Variants in DLEC1 observed in about 807,000 individuals in gnomAD.
DLEC1 encodes DLEC1 cilia and flagella associated protein.
In DLEC1, 146 loss-of-function variants were observed where a neutral mutation model predicts 198.1. The ratio of observed to expected loss-of-function variants is 0.74; its 90% CI spans 0.64 to 0.85. The LOEUF is 0.85. Ranked by LOEUF, DLEC1 falls within the 40% of genes least tolerant of loss-of-function variation. DLEC1 has a pLI of 0.00. For missense variants in DLEC1, 2,233 were observed against 2,220.0 expected, an observed-to-expected ratio of 1.01 and a Z score of -0.12; for synonymous variants, 897 against 866.8, an observed-to-expected ratio of 1.03 and a Z score of -0.61.
intron 29 of DLEC1, 36 bp from the exon 30 acceptor site, chr3:38,116,939 C>T: frequency 4.3e-6 from 7 of 1,612,640 alleles, no homozygotes; most frequent in Non-Finnish European, 5.9e-6. Context: ...GGCCAGTGGG[C>T]ATGGGACAGT....
In DLEC1 at chr3:38,116,576, C is replaced by T. The variant is rs1700176202; in HGVS notation, c.3980C>T (p.Pro1327Leu). 2.5e-6 allele frequency: 4 copies of T among 1,614,126 alleles called. No individual in the cohort carries two copies. Among genetic ancestry groups the T allele is most frequent in the Non-Finnish European group, 3.4e-6 (4 of 1,179,994 alleles). The change falls in exon 28 of 37, where the codon CCT becomes CTT. Residue 1327 changes from proline to leucine, a missense_variant. Pro to Leu is a moderately conservative substitution (Grantham distance 98). Coordinates refer to ENST00000308059, the MANE Select transcript of DLEC1 (RefSeq NM_007335.4). ...RDQAGNELVC[P>L]DTPEGGCLLW... Reference sequence around the variant, plus strand: ...CAAGCCGGGAATGAGCTTGTGTGCCCTGATACCCCTGAGGGTGGCTGCCTC... The same window carrying T: ...CAAGCCGGGAATGAGCTTGTGTGCCTTGATACCCCTGAGGGTGGCTGCCTC...
In DLEC1 at chr3:38,111,767, G is replaced by C; in HGVS notation, c.3514+20G>C. The C allele has an allele frequency of 6.2e-7, 1 of 1,606,422 alleles. No individual in the cohort carries two copies. Among genetic ancestry groups the C allele is most frequent in the Admixed American group, 1.7e-5 (1 of 59,810 alleles). ...AGCTGGGTAAGCGCCACCAGGGTGG[G>C]GCTTCGGGGCCCAGGCCACGGCCAG... On this transcript the variant is annotated intron_variant, in intron 24 of 36. Transcript: ENST00000308059.
At chr3:38,084,007 C>T in intron 6 of DLEC1, 151 bp from the exon 7 acceptor site, 1 of 612,212 alleles carries the variant, frequency 1.6e-6, no homozygotes, top group Non-Finnish European at 2.8e-6. Flanking sequence ...CCCCATGTAC[C>T]CCTCAGCCAG....
chr3:38,121,601 T>A, intron 34 of DLEC1, 27 bp from the exon 35 acceptor site: 1 of 1,606,404 alleles, frequency 6.2e-7, no homozygotes, highest in Non-Finnish European at 8.5e-7. Flanking sequence ...CCACCCAGAA[T>A]GGACAAGGTT....
At chr3:38,082,744 G>A (rs1698119062) in intron 6 of DLEC1, among the ~76,000 whole-genome samples, 1 of 151,846 alleles carries the variant, frequency 6.6e-6, no homozygotes, top group Admixed American at 6.6e-5. Flanking sequence ...CAGAGAAGGG[G>A]TAGAGACATG....
intron 6 of DLEC1, among the ~76,000 whole-genome samples, chr3:38,064,830 G>A: frequency 6.6e-6 from 1 of 151,784 alleles, no homozygotes; most frequent in East Asian, 1.9e-4. Flanking sequence ...TGACGGCCAG[G>A]AAGAGGCGCT....
At chr3:38,117,161 G>A in intron 30 of DLEC1, 47 bp from the exon 31 acceptor site, 1 of 1,614,086 alleles carries the variant, frequency 6.2e-7, no homozygotes, top group Non-Finnish European at 8.5e-7. Flanking sequence ...GTAGCATGCT[G>A]CCTACTCAGC....
chr3:38,103,010 TA>T (rs1442782324), intron 19 of DLEC1: 1 of 152,198 alleles, frequency 6.6e-6, no homozygotes, highest in African/African-American at 2.4e-5. Flanking sequence ...TGTACAAATT[TA>T]TGGGGTACAT....
intron 12 of DLEC1, among the ~76,000 whole-genome samples, chr3:38,094,201 A>G (rs1698890918): frequency 6.6e-6 from 1 of 152,114 alleles, no homozygotes; most frequent in African/African-American, 2.4e-5. Flanking sequence ...GACAGACTAT[A>G]GTCTGTGGGT....
At chr3:38,122,247 C>T (rs1195979430) in intron 36 of DLEC1, 42 bp from the exon 37 acceptor site, 2 of 1,608,210 alleles carry the variant, frequency 1.2e-6, no homozygotes, top group Admixed American at 1.7e-5. Context: ...GGACCCCCTG[C>T]CCAGGTGCCT....
intron 2 of DLEC1, among the ~76,000 whole-genome samples, chr3:38,056,113 AC>A (rs1559400286): frequency 0.015 from 1,907 of 131,384 alleles, 22 homozygotes; most frequent in Middle Eastern, 0.019. Flanking sequence ...ACACACACAC[AC>A]ACAAATAGCT....
chr3:38,121,860 G>T, intron 35 of DLEC1, 79 bp downstream of exon 35: 1 of 1,557,626 alleles, frequency 6.4e-7, no homozygotes, highest in African/African-American at 1.4e-5. Context: ...AGGGGCCCCT[G>T]TGCGCCGTCC....
intron 5 of DLEC1, among the ~76,000 whole-genome samples, chr3:38,063,083 C>T (rs547981214): frequency 3.9e-5 from 6 of 152,184 alleles, no homozygotes; most frequent in South Asian, 4.2e-4. Context: ...GAAGCAATCC[C>T]GTTAGAGACA....
chr3:38,077,560 T>C (rs1697698031), intron 6 of DLEC1, among the ~76,000 whole-genome samples: 1 of 152,124 alleles, frequency 6.6e-6, no homozygotes, highest in African/African-American at 2.4e-5. Context: ...TATAAAGGTT[T>C]CCTGAAAAAC....
Position 38,100,420 on chromosome 3 carries a change from C to T in DLEC1, c.2859C>T (p.Ala953=), listed in dbSNP as rs757871647. The change falls in exon 19 of 37, where the codon GCC becomes GCT. Residue 953 remains alanine, a synonymous_variant. Coordinates refer to ENST00000308059, the MANE Select transcript of DLEC1 (RefSeq NM_007335.4). ...TGGAGCTGGAGGTGGAAAATGGTGC[C>T]TGGAGGTAAGGGTGCCGTGGGAAGA... The part of the protein sequence containing the change: ...TVLELEVENG[A]WSYLPVYAEV... 3 of 1,611,920 alleles carry T rather than the reference C, an allele frequency of 1.9e-6. No homozygotes were observed. In the African/African-American group the frequency reaches 4.0e-5, roughly 22 times the overall value.
chr3:38,081,898 C>G lies in DLEC1; in HGVS notation c.1174-2260C>G, dbSNP rs1174430076. Among the ~76,000 whole-genome samples, 12 of 147,180 alleles carry G rather than the reference C, an allele frequency of 8.2e-5. No individual in the cohort carries two copies. The East Asian group carries it at 1.2e-3, about 15-fold the overall frequency. ...CGGCTGGCCGGGCGGGGGGCTGACC[C>G]CCCCCCACCTCCCTCCCGGACGGGG... On this transcript the variant is annotated intron_variant, in intron 6 of 36. Transcript: ENST00000308059.
chr3:38,120,594 C>T lies in DLEC1; in HGVS notation c.4851C>T (p.Thr1617=). 6.2e-7 allele frequency: 1 copy of T among 1,613,430 alleles called. No individual in the cohort carries two copies. ...CTCAGAACCTGCTCCTGGAGTACAC[C>T]AACCAGACCACTCAGGCACGCCCCA... is the stretch of plus-strand genomic sequence containing the variant. The part of the protein sequence containing the change: ...VFTQNLLLEY[T]NQTTQVVPLR... Residue 1617 remains threonine, a synonymous_variant, in exon 34 of 37, where the codon ACC becomes ACT. Coordinates refer to ENST00000308059, the MANE Select transcript of DLEC1 (RefSeq NM_007335.4).
At chr3:38,050,554 G>GT (rs1429396842) in intron 2 of DLEC1, among the ~76,000 whole-genome samples, 1 of 151,922 alleles carries the variant, frequency 6.6e-6, no homozygotes, top group Non-Finnish European at 1.5e-5. Context: ...TGGGGGTTTT[G>GT]GGGGGGCCAG....
intron 11 of DLEC1, 81 bp downstream of exon 11, chr3:38,092,961 G>A (rs1178581534): frequency 1.2e-5 from 16 of 1,318,466 alleles, no homozygotes; most frequent in Middle Eastern, 1.8e-4. Flanking sequence ...TAGCATTAGC[G>A]GCAGCCCACC....
Sources: gnomAD v4.1 joint callset for allele counts (sites outside exome capture counted in the v4.1 genomes callset) on GRCh38, gnomAD v4.1.1 for gene constraint, MANE v1.5 for transcripts, NCBI Gene and HGNC (gene_info 2026-07-23, HGNC 2026-07-21) for gene names.